Variants in TPST2 observed in about 807,000 individuals in gnomAD.
The protein encoded by TPST2 is protein-tyrosine sulfotransferase 2.
In TPST2, 16 loss-of-function variants were observed where a neutral mutation model predicts 27.8. The observed-to-expected ratio is 0.58, with a 90% CI of 0.39 to 0.88. TPST2 has a LOEUF of 0.88. TPST2 is among the 40% of genes least tolerant of loss of function. The pLI is 0.00. For missense variants in TPST2, 464 were observed against 543.1 expected, an observed-to-expected ratio of 0.85 and a Z score of 1.45; for synonymous variants, 229 against 231.7, an observed-to-expected ratio of 0.99 and a Z score of 0.10.
chr22:26,558,314 T>G (rs767627267), intron 1 of TPST2, among the ~76,000 whole-genome samples: 1 of 151,900 alleles, frequency 6.6e-6, no homozygotes, highest in South Asian at 2.1e-4. Flanking sequence ...AATTTTTTTG[T>G]ATTTTTAGTA....
intron 1 of TPST2, chr22:26,560,957 T>C (rs1927056767): frequency 3.7e-6 from 6 of 1,610,042 alleles, no homozygotes; most frequent in East Asian, 2.2e-5. Flanking sequence ...AGCAGCCTTA[T>C]GAAAAGAAGG....
chr22:26,538,614 G>A (rs999568957), intron 3 of TPST2, among the ~76,000 whole-genome samples: 4 of 152,220 alleles, frequency 2.6e-5, no homozygotes, highest in Admixed American at 1.3e-4. Flanking sequence ...CTGAGGTCAC[G>A]AGTTCGAGAC....
chr22:26,547,882 A>C (rs1369839609), intron 1 of TPST2, among the ~76,000 whole-genome samples: 1 of 152,194 alleles, frequency 6.6e-6, no homozygotes, highest in Non-Finnish European at 1.5e-5. Flanking sequence ...TTTCTCCTAA[A>C]AACATAACTT....
chr22:26,537,960 G>A (rs1925568398), intron 3 of TPST2, among the ~76,000 whole-genome samples: 1 of 152,036 alleles, frequency 6.6e-6, no homozygotes, highest in African/African-American at 2.4e-5. Context: ...AGACATTTAG[G>A]TTGTTTCCAA....
chr22:26,529,881 T>G (rs1925055390), intron 5 of TPST2, among the ~76,000 whole-genome samples: 1 of 151,392 alleles, frequency 6.6e-6, no homozygotes, highest in Non-Finnish European at 1.5e-5. Context: ...AAAAAAAAAA[T>G]TAATGCGATC....
intron 3 of TPST2, among the ~76,000 whole-genome samples, chr22:26,539,150 C>T (rs924561579): frequency 6.6e-6 from 1 of 152,176 alleles, no homozygotes; most frequent in African/African-American, 2.4e-5. Flanking sequence ...CATGTAGGAA[C>T]TTTGTTGCTA....
chr22:26,586,035 T>G (rs1291376941), intron 1 of TPST2, among the ~76,000 whole-genome samples: 1 of 151,874 alleles, frequency 6.6e-6, no homozygotes, highest in Non-Finnish European at 1.5e-5. Flanking sequence ...ACAGCGAAAC[T>G]CCGTCTCAAA....
chr22:26,532,866 A>G (rs1897584805), intron 4 of TPST2, 121 bp from the exon 5 acceptor site: 1 of 827,730 alleles, frequency 1.2e-6, no homozygotes, highest in Admixed American at 2.1e-5. Context: ...CCTCCATCCA[A>G]CAAACATTGC....
intron 1 of TPST2, among the ~76,000 whole-genome samples, chr22:26,571,534 T>C (rs2283838): frequency 0.19 from 28,722 of 152,044 alleles, 2,985 homozygotes; most frequent in East Asian, 0.35. Context: ...TTCCGGAGCA[T>C]TGCAGCTCAG....
intron 1 of TPST2, among the ~76,000 whole-genome samples, chr22:26,588,910 C>T (rs960058745): frequency 5.9e-5 from 9 of 152,110 alleles, no homozygotes; most frequent in Non-Finnish European, 1.2e-4. Flanking sequence ...GACAGACATG[C>T]AAGGGAATGT....
chr22:26,553,563 G>C (rs1449439191), intron 1 of TPST2, among the ~76,000 whole-genome samples: 1 of 151,982 alleles, frequency 6.6e-6, no homozygotes, highest in Non-Finnish European at 1.5e-5. Flanking sequence ...TGGAGACGGG[G>C]TCTCACTATG....
intron 1 of TPST2, among the ~76,000 whole-genome samples, chr22:26,569,901 G>A (rs1179241415): frequency 4.5e-5 from 6 of 133,652 alleles, no homozygotes; most frequent in African/African-American, 8.5e-5. Flanking sequence ...GCAGTGGGCC[G>A]AGATCATGCC....
intron 1 of TPST2, among the ~76,000 whole-genome samples, chr22:26,552,997 T>C (rs1028908983): frequency 1.4e-5 from 2 of 139,364 alleles, no homozygotes; most frequent in African/African-American, 5.4e-5. Flanking sequence ...GAGGCGGAGG[T>C]TGCAGTGAGC....
At chr22:26,532,065 T>C (rs941128470) in intron 5 of TPST2, among the ~76,000 whole-genome samples, 1 of 152,016 alleles carries the variant, frequency 6.6e-6, no homozygotes, top group Admixed American at 6.6e-5. Flanking sequence ...GCCCAGGAGA[T>C]TGAGGCTGCA....
rs1926021490 is a variant in TPST2, at chr22:26,544,563, G to C, written c.-89+41C>G. The C allele has an allele frequency of 3.1e-6, 3 of 979,570 alleles. No individual in the cohort carries two copies. The African/African-American group carries it at 5.3e-5, about 17-fold the overall frequency. The allele number at this position is 979,570 out of a possible 1,614,324, so 60.7% of individuals were successfully genotyped here. On this transcript the variant is annotated intron_variant, in intron 2 of 6. Coordinates refer to ENST00000338754, the MANE Select transcript of TPST2 (RefSeq NM_003595.5). ...GACTTTTGGAGGGCGGTCTCAGGAG[G>C]GGCCAGGACTCCAGGGGAAGTTCCT...
chr22:26,558,700 G>T (rs1027482876), intron 1 of TPST2, among the ~76,000 whole-genome samples: 7 of 152,134 alleles, frequency 4.6e-5, no homozygotes, highest in Non-Finnish European at 8.8e-5. Flanking sequence ...CCTAGGGAGA[G>T]CAAAAGGCTT....
intron 1 of TPST2, among the ~76,000 whole-genome samples, chr22:26,565,913 G>A (rs984147229): frequency 1.3e-5 from 2 of 151,998 alleles, no homozygotes; most frequent in African/African-American, 4.8e-5. Flanking sequence ...TCTGTACAGA[G>A]ATTTCATAAA....
chr22:26,567,607 G>A (rs987564172), intron 1 of TPST2, among the ~76,000 whole-genome samples: 6 of 152,086 alleles, frequency 3.9e-5, no homozygotes, highest in East Asian at 3.9e-4. Context: ...TAAAATTCCC[G>A]GTTCCTCCTC....
chr22:26,538,696 C>T (rs1030536105), intron 3 of TPST2, among the ~76,000 whole-genome samples: 2 of 152,166 alleles, frequency 1.3e-5, no homozygotes, highest in Admixed American at 1.3e-4. Flanking sequence ...GTGGCGGGTG[C>T]CTGTAATCCC....
Sources: allele counts gnomAD v4.1 joint callset (sites outside exome capture counted in the v4.1 genomes callset), GRCh38; gene constraint gnomAD v4.1.1; transcripts MANE v1.5; gene names NCBI Gene and HGNC (gene_info 2026-07-23, HGNC 2026-07-21).